Variants in PLD3 observed in about 807,000 individuals in gnomAD.
PLD3 encodes the protein phospholipase D family member 3, also known as 5'-3' exonuclease PLD3.
In PLD3, 31 loss-of-function variants were observed where a neutral mutation model predicts 58.4. The ratio of observed to expected loss-of-function variants is 0.53; its 90% confidence interval spans 0.40 to 0.72. The LOEUF is 0.72. Ranked by LOEUF, PLD3 falls within the 30% of genes least tolerant of loss-of-function variation. PLD3 has a pLI of 0.00. For synonymous variants in PLD3, 264 were observed against 273.4 expected (o/e 0.97, Z 0.34); for missense variants, 595 against 659.8 (o/e 0.90, Z 1.08).
intron 9 of PLD3, 29 bp downstream of exon 9, chr19:40,371,902 T>G: frequency 6.4e-7 from 1 of 1,568,828 alleles, no homozygotes; most frequent in Non-Finnish European, 8.8e-7. Flanking sequence ...GGGCCTGTCA[T>G]GTCCCAGCCC....
intron 1 of PLD3, among the ~76,000 whole-genome samples, chr19:40,350,678 A>G (rs1194130316): frequency 6.6e-6 from 1 of 151,338 alleles, no homozygotes; most frequent in Non-Finnish European, 1.5e-5. Flanking sequence ...CAGGAGGCGG[A>G]GGCTGCAGTG....
chr19:40,368,961 C>A (rs2078997795), intron 6 of PLD3, among the ~76,000 whole-genome samples: 1 of 151,596 alleles, frequency 6.6e-6, no homozygotes, highest in Admixed American at 6.6e-5. Context: ...ATAATAATTA[C>A]AAAAGTTAAA....
chr19:40,371,695 T>G lies in PLD3; in HGVS notation c.701T>G (p.Met234Arg). The change falls in exon 9 of 13, where the codon ATG (methionine) becomes AGG (arginine). Residue 234 changes from methionine to arginine, a missense_variant. By Grantham distance (91) the Met-to-Arg change is moderately conservative. Coordinates refer to ENST00000409735, the MANE Select transcript of PLD3 (RefSeq NM_012268.4). ...LTQVKELGVV[M>R]YNCSCLARDL... is the part of the protein sequence containing the mutation. Reference sequence around the variant, plus strand: ...CAGGTCAAGGAGCTGGGCGTGGTCATGTACAACTGCAGCTGCCTGGCTCGA... The same window carrying G: ...CAGGTCAAGGAGCTGGGCGTGGTCAGGTACAACTGCAGCTGCCTGGCTCGA... The G allele has an allele frequency of 3.7e-6, 6 of 1,613,684 alleles. No individual in the cohort carries two copies. Among genetic ancestry groups the G allele is most frequent in the Non-Finnish European group, 5.1e-6 (6 of 1,179,856 alleles).
At chr19:40,349,962 AAAAAAT>A (rs934697153) in intron 1 of PLD3, among the ~76,000 whole-genome samples, 2 of 138,834 alleles carry the variant, frequency 1.4e-5, no homozygotes, top group Non-Finnish European at 3.1e-5. Flanking sequence ...CCGTCTCAAA[AAAAAAT>A]AATAATAATA....
intron 1 of PLD3, chr19:40,356,911 C>T (rs1271708598): frequency 2.0e-5 from 3 of 152,106 alleles, no homozygotes; most frequent in Non-Finnish European, 2.9e-5. Flanking sequence ...AGTGAGACAG[C>T]TTAGGGTTTT....
chr19:40,350,051 G>A (rs1318512026), intron 1 of PLD3, among the ~76,000 whole-genome samples: 16 of 150,728 alleles, frequency 1.1e-4, no homozygotes, highest in African/African-American at 3.4e-4. Context: ...ACCTCAGGTC[G>A]GAAGTTCGAG....
chr19:40,371,605 T>G (rs1600324768), intron 8 of PLD3, 68 bp from the exon 9 acceptor site: 2 of 1,035,392 alleles, frequency 1.9e-6, no homozygotes, highest in East Asian at 5.1e-5. Flanking sequence ...GAGACCAGAC[T>G]GGGGAGTGTC....
intron 10 of PLD3, chr19:40,376,319 C>T (rs1426657387): frequency 8.6e-6 from 3 of 347,722 alleles, no homozygotes; most frequent in Non-Finnish European, 1.1e-5. Context: ...TGTGCCATTG[C>T]ACTCCAGCGT....
intron 10 of PLD3, 33 bp from the exon 11 acceptor site, chr19:40,376,576 A>AT (rs1181678233): frequency 1.5e-5 from 24 of 1,595,246 alleles, no homozygotes; most frequent in Middle Eastern, 1.9e-4. Flanking sequence ...CGCCCTCTGC[A>AT]TCCTGCCCCA....
In PLD3 at chr19:40,378,219, C is replaced by G; in HGVS notation, c.*46C>G. The G allele has an allele frequency of 6.4e-7, 1 of 1,563,404 alleles. No individual in the cohort carries two copies. Among genetic ancestry groups the G allele is most frequent in the African/African-American group, 1.4e-5 (1 of 74,028 alleles). Reference sequence around the variant, plus strand: ...CCAAGGCCTGCTGGGCCCCCGCGGACCCAGGTGCTCTGGGTCACGGTCCCT... The same window carrying G: ...CCAAGGCCTGCTGGGCCCCCGCGGAGCCAGGTGCTCTGGGTCACGGTCCCT... On this transcript the variant is annotated 3_prime_UTR_variant, in exon 13 of 13. Coordinates refer to ENST00000409735, the MANE Select transcript of PLD3 (RefSeq NM_012268.4).
chr19:40,350,613 G>A (rs1030922393), intron 1 of PLD3, among the ~76,000 whole-genome samples: 21 of 151,632 alleles, frequency 1.4e-4, no homozygotes, highest in Non-Finnish European at 1.9e-4. Context: ...GCATGGTGGC[G>A]CGCCCCTAAA....
At chr19:40,362,098 A>G (rs1049621761) in intron 1 of PLD3, among the ~76,000 whole-genome samples, 5 of 152,094 alleles carry the variant, frequency 3.3e-5, no homozygotes, top group African/African-American at 9.7e-5. Flanking sequence ...CGGCCCCCCA[A>G]AGTGCTGGCA....
chr19:40,369,376 C>A (rs1418800696), intron 6 of PLD3, among the ~76,000 whole-genome samples: 3 of 151,814 alleles, frequency 2.0e-5, no homozygotes, highest in Non-Finnish European at 2.9e-5. Flanking sequence ...AACAAACAAA[C>A]AAAAAAACAA....
rs773566256 is a variant in PLD3, at chr19:40,378,219, C to A, written c.*46C>A. On this transcript the variant is annotated 3_prime_UTR_variant, in exon 13 of 13. Coordinates refer to ENST00000409735, the MANE Select transcript of PLD3 (RefSeq NM_012268.4). ...CCAAGGCCTGCTGGGCCCCCGCGGACCCAGGTGCTCTGGGTCACGGTCCCT... is the reference window on the plus strand; with the variant it reads ...CCAAGGCCTGCTGGGCCCCCGCGGAACCAGGTGCTCTGGGTCACGGTCCCT... 6.4e-7 allele frequency: 1 copy of A among 1,563,398 alleles called. No individual in the cohort carries two copies. Among genetic ancestry groups the A allele is most frequent in the South Asian group, 1.1e-5 (1 of 89,062 alleles).
rs367655989 is a variant in PLD3, at chr19:40,366,865, G to C, written c.195G>C (p.Leu65Phe). ...TQLFLWEYGDLHLFGPNQRPA... is the reference protein window; with the variant it reads ...TQLFLWEYGDFHLFGPNQRPA... ...TGTTTCTATGGGAATACGGCGACTT[G>C]CATCTCTTTGGGCCCAACCAGCGCC... Residue 65 changes from leucine (L) to phenylalanine (F), a missense_variant, in exon 5 of 13, where the codon TTG becomes TTC. Transcript: ENST00000409735. 3 of 1,613,794 alleles carry C rather than the reference G, an allele frequency of 1.9e-6. No individual in the cohort carries two copies. The highest frequency in any genetic ancestry group is 2.5e-6 in the Non-Finnish European group (3 of 1,179,930).
intron 2 of PLD3, chr19:40,366,150 G>A (rs2078916131): frequency 2.3e-6 from 1 of 435,342 alleles, no homozygotes; most frequent in Non-Finnish European, 4.2e-6. Flanking sequence ...GGTTGGAGGA[G>A]GGAGAAGGGG....
Position 40,376,663 on chromosome 19 carries a change from C to G in PLD3, c.1074C>G (p.Val358=). Residue 358 remains valine, a synonymous_variant, in exon 11 of 13, where the codon GTC becomes GTG. Coordinates refer to ENST00000409735, the MANE Select transcript of PLD3 (RefSeq NM_012268.4). ...GLRRATYERG[V]KVRLLISCWG... ...GGCGGGCCACCTACGAGCGTGGCGT[C>G]AAGGTGCGCCTGCTCATCAGCTGCT... is the stretch of plus-strand genomic sequence containing the variant. The G allele has an allele frequency of 2.5e-6, 4 of 1,607,102 alleles. No homozygotes were observed. The highest frequency in any genetic ancestry group is 3.4e-6 in the Non-Finnish European group (4 of 1,179,984).
chr19:40,364,268 C>A (rs1009914134), intron 1 of PLD3, among the ~76,000 whole-genome samples: 20 of 151,562 alleles, frequency 1.3e-4, no homozygotes, highest in Non-Finnish European at 2.7e-4. Flanking sequence ...GCAGGAGAAT[C>A]GCTTGAAACC....
chr19:40,353,948 G>T (rs1390886573), intron 1 of PLD3, among the ~76,000 whole-genome samples: 2 of 151,998 alleles, frequency 1.3e-5, no homozygotes, highest in African/African-American at 4.8e-5. Flanking sequence ...AGGCTGGAGT[G>T]CAGTGGTGCA....
Sources: allele counts gnomAD v4.1 joint callset (sites outside exome capture counted in the v4.1 genomes callset), GRCh38; gene constraint gnomAD v4.1.1; transcripts MANE v1.5; gene names NCBI Gene and HGNC (gene_info 2026-07-23, HGNC 2026-07-21).